Variants in PLEC observed in about 807,000 individuals in gnomAD.
The protein encoded by PLEC is hemidesmosomal protein 1.
Under a neutral mutation model 392.8 loss-of-function variants are expected in PLEC, and 216 were observed. The ratio of observed to expected loss-of-function variants is 0.55; its 90% CI spans 0.49 to 0.62. The LOEUF (loss-of-function observed/expected upper bound fraction) is 0.62, where lower values mean the gene tolerates loss of function less well. Ranked by LOEUF, PLEC falls within the 20% of genes least tolerant of loss-of-function variation. The pLI, the probability that PLEC is intolerant of heterozygous loss-of-function variation, is 0.00. For synonymous variants in PLEC, 3,621 were observed against 2,980.6 expected, an observed-to-expected ratio of 1.21 and a Z score of -7.00; for missense variants, 6,863 against 6,563.4, an observed-to-expected ratio of 1.05 and a Z score of -1.58.
Position 143,925,566 on chromosome 8 carries a change from G to A in PLEC, c.4363C>T (p.Arg1455Cys), listed in dbSNP as rs782436596. ...GCCTCCAACTGCAGGCGCACCACGCGGATCTCCTCCTCGATGCGCAGCCGG... is the reference window on the plus strand; with the variant it reads ...GCCTCCAACTGCAGGCGCACCACGCAGATCTCCTCCTCGATGCGCAGCCGG... The part of the protein sequence containing the change: ...RSRLRIEEEI[R>C]VVRLQLEATE... Residue 1455 changes from arginine to cysteine, a missense_variant, in exon 31 of 32, where the codon CGC becomes TGC. Arg to Cys is a radical substitution (Grantham distance 180). Transcript: ENST00000345136. The A allele has an allele frequency of 8.9e-5, 141 of 1,587,306 alleles. No individual in the cohort carries two copies. Among genetic ancestry groups the A allele is most frequent in the Non-Finnish European group, 1.1e-4 (126 of 1,174,434 alleles).
In PLEC at chr8:143,916,471, C is replaced by T. The variant is rs534414054; in HGVS notation, c.13350G>A (p.Leu4450=). 3.1e-4 allele frequency: 502 copies of T among 1,611,952 alleles called. 7 individuals carry two copies. The South Asian group carries it at 5.2e-3, about 17-fold the overall frequency. ...TGCCCTCCTCCACCATGCTGCGGTC[C>T]AGCGCGTCCTTATAGGAGATCTTGA... is the stretch of plus-strand genomic sequence containing the variant. ...TKLKISYKDA[L]DRSMVEEGTG... is the part of the protein sequence containing the mutation. The change falls in exon 32 of 32, where the codon CTG becomes CTA. Residue 4450 remains leucine, a synonymous_variant. Coordinates refer to ENST00000345136, the MANE Select transcript of PLEC (RefSeq NM_201384.3).
intron 18 of PLEC, 64 bp from the exon 19 acceptor site, chr8:143,931,723 C>T (rs1261567802): frequency 1.3e-6 from 2 of 1,561,774 alleles, no homozygotes; most frequent in South Asian, 1.2e-5. Context: ...CACAGTTGTC[C>T]CAGGGCAGGC....
chr8:143,921,265 G>T lies in PLEC; in HGVS notation c.8556C>A (p.Gly2852=). Residue 2852 remains glycine (G), a synonymous_variant, in exon 32 of 32, where the codon GGC becomes GGA. Coordinates refer to ENST00000345136, the MANE Select transcript of PLEC (RefSeq NM_201384.3). ...TCTCGTGCGTGTTGGGGTCAAAGAAGCCCTTGGTGTCGTCGCTGGGGTCCG... is the reference window on the plus strand; with the variant it reads ...TCTCGTGCGTGTTGGGGTCAAAGAATCCCTTGGTGTCGTCGCTGGGGTCCG... ...VLADPSDDTK[G]FFDPNTHENL... 6.2e-7 allele frequency: 1 copy of T among 1,614,160 alleles called. No individual in the cohort carries two copies. Among genetic ancestry groups the T allele is most frequent in the South Asian group, 1.1e-5 (1 of 91,092 alleles).
At chr8:143,952,827 G>A (rs1273469105), upstream of PLEC, among the ~76,000 whole-genome samples, 3 of 152,092 alleles carry the variant, frequency 2.0e-5, no homozygotes, top group African/African-American at 7.2e-5. Context: ...AGGAAAGGGC[G>A]GTAGCTTCCT....
At chr8:143,950,301 C>T (rs782077680) in exon 1 of PLEC, 3 of 1,571,174 alleles carry the variant, frequency 1.9e-6, no homozygotes, top group South Asian at 1.2e-5. Flanking sequence ...ACCCGCTGCT[C>T]CTCCGTCGGC....
In PLEC at chr8:143,933,123, G is replaced by A. The variant is rs782398265; in HGVS notation, c.1419-12C>T. ...GCAGACGGTACACCCTGGGGCAGCA[G>A]AGGACTCAGGTAGGTGTTGGCGGGC... On this transcript the variant is annotated splice_polypyrimidine_tract_variant and intron_variant, in intron 13 of 31. Coordinates refer to ENST00000345136, the MANE Select transcript of PLEC (RefSeq NM_201384.3). The A allele has an allele frequency of 1.9e-6, 3 of 1,600,838 alleles. No individual in the cohort carries two copies. The highest frequency in any genetic ancestry group is 4.5e-5 in the East Asian group (2 of 44,554).
In PLEC at chr8:143,923,138, C is replaced by G; in HGVS notation, c.6791G>C (p.Arg2264Pro). 1 of 1,603,466 alleles carries G rather than the reference C, an allele frequency of 6.2e-7. No individual in the cohort carries two copies. The highest frequency in any genetic ancestry group is 8.5e-7 in the Non-Finnish European group (1 of 1,179,886). Residue 2264 changes from arginine (R) to proline (P), a missense_variant, in exon 31 of 32, where the codon CGC (arginine) becomes CCC (proline). By Grantham distance (103) the Arg-to-Pro change is moderately radical. Coordinates refer to ENST00000345136, the MANE Select transcript of PLEC (RefSeq NM_201384.3). ...CTTCTCAGCCTCCTCCTGCAGGAAG[C>G]GCTGCGTATTGTCCTTGTCACGCAA... is the stretch of plus-strand genomic sequence containing the variant. ...LILRDKDNTQ[R>P]FLQEEAEKMK... is the part of the protein sequence containing the mutation.
In PLEC at chr8:143,923,461, G is replaced by A. The variant is rs782284647; in HGVS notation, c.6468C>T (p.Ala2156=). 6.2e-7 allele frequency: 1 copy of A among 1,607,372 alleles called. No homozygotes were observed. The highest frequency in any genetic ancestry group is 1.3e-5 in the African/African-American group (1 of 74,892). Residue 2156 remains alanine (A), a synonymous_variant, in exon 31 of 32, where the codon GCC becomes GCT. Coordinates refer to ENST00000345136, the MANE Select transcript of PLEC (RefSeq NM_201384.3). ...AARRAQAEQA[A]LRQKQAADAE... Reference sequence around the variant, plus strand: ...CGTCAGCTGCCTGCTTCTGCCGCAGGGCCGCCTGCTCCGCCTGTGCCCGCC... The same window carrying A: ...CGTCAGCTGCCTGCTTCTGCCGCAGAGCCGCCTGCTCCGCCTGTGCCCGCC...
At chr8:143,975,460 A>G, upstream of PLEC, 1 of 1,175,576 alleles carries the variant, frequency 8.5e-7, no homozygotes, top group South Asian at 1.3e-5. The surrounding 1 kb of genome is among the most constrained non-coding windows in gnomAD (Gnocchi z 9.9). Context: ...TTCTTAACCT[A>G]GACACTGAAC....
intron 1 of PLEC, among the ~76,000 whole-genome samples, chr8:143,959,637 C>A (rs1832773745): frequency 6.6e-6 from 1 of 152,258 alleles, no homozygotes; most frequent in African/African-American, 2.4e-5. Flanking sequence ...AGGAGTCGGC[C>A]CACTTGGGCA....
Position 143,929,270 on chromosome 8 carries a change from T to C in PLEC, c.3093A>G (p.Ala1031=), listed in dbSNP as rs1826317050. ...CCCCCTTGCCCAGCCCCTCCACCTC[T>C]GCCTGTGCCTTCTGCAAAGACAGGG... is the stretch of plus-strand genomic sequence containing the variant. ...QRIAEQQKAQ[A]EVEGLGKGVA... Residue 1031 remains alanine, a synonymous_variant, in exon 25 of 32, where the codon GCA becomes GCG. Transcript: ENST00000345136. 3.7e-6 allele frequency: 6 copies of C among 1,600,526 alleles called. No individual in the cohort carries two copies. The highest frequency in any genetic ancestry group is 5.1e-6 in the Non-Finnish European group (6 of 1,179,518).
chr8:143,970,604 A>G (rs1833375432), intron 1 of PLEC, among the ~76,000 whole-genome samples: 1 of 152,230 alleles, frequency 6.6e-6, no homozygotes, highest in Non-Finnish European at 1.5e-5. Flanking sequence ...CAGTGGTTTC[A>G]GTAGATTCGG....
chr8:143,922,912 C>A lies in PLEC; in HGVS notation c.7017G>T (p.Ala2339=), dbSNP rs574508108. 3.1e-6 allele frequency: 5 copies of A among 1,596,722 alleles called. No individual in the cohort carries two copies. In the Admixed American group the frequency reaches 5.2e-5, roughly 17 times the overall value. The change falls in exon 31 of 32, where the codon GCG becomes GCT. Residue 2339 remains alanine (A), a synonymous_variant. Transcript: ENST00000345136. ...CCTGCAGCCGCCGCGCCTGCTCCTG[C>A]GCAAGCTCCTTCTGCTGCTGCAGCA... is the stretch of plus-strand genomic sequence containing the variant. ...AELLQQQKEL[A]QEQARRLQED...
intron 19 of PLEC, 95 bp from the exon 20 acceptor site, chr8:143,930,631 T>TC: frequency 7.6e-7 from 1 of 1,310,650 alleles, no homozygotes; most frequent in Non-Finnish European, 1.1e-6. Context: ...TGTGGGGCCC[T>TC]CCTGATGCTC....
upstream of PLEC, chr8:143,942,275 G>A (rs913502542): frequency 9.8e-6 from 12 of 1,221,448 alleles, no homozygotes; most frequent in East Asian, 2.7e-5. Context: ...AGGCTGCACC[G>A]GGCCAAGGCG....
Position 143,924,623 on chromosome 8 carries a change from G to A in PLEC, c.5306C>T (p.Ala1769Val), listed in dbSNP as rs782682154. ...KVRAEMEVLLASKARAEEESR... is the reference protein window; with the variant it reads ...KVRAEMEVLLVSKARAEEESR... Reference sequence around the variant, plus strand: ...CTCCTCCTCAGCCCTCGCCTTGCTGGCCAGCAGCACCTCCATCTCGGCCCG... The same window carrying A: ...CTCCTCCTCAGCCCTCGCCTTGCTGACCAGCAGCACCTCCATCTCGGCCCG... Residue 1769 changes from alanine to valine, a missense_variant, in exon 31 of 32, where the codon GCC becomes GTC. Coordinates refer to ENST00000345136, the MANE Select transcript of PLEC (RefSeq NM_201384.3). 3 of 1,540,094 alleles carry A rather than the reference G, an allele frequency of 1.9e-6. No individual in the cohort carries two copies. The highest frequency in any genetic ancestry group is 2.6e-6 in the Non-Finnish European group (3 of 1,149,256).
At chr8:143,944,723 C>T in intron 1 of PLEC, 2 of 1,277,326 alleles carry the variant, frequency 1.6e-6, no homozygotes, top group South Asian at 3.4e-5. Flanking sequence ...TGGGAGGTCA[C>T]AGGCCCCTCG....
chr8:143,931,237 G>A (rs893090289), intron 19 of PLEC, among the ~76,000 whole-genome samples: 61 of 152,110 alleles, frequency 4.0e-4, no homozygotes, highest in African/African-American at 1.3e-3. Context: ...GCCCGGCTTG[G>A]ACCGGCTGCC....
At chr8:143,928,988 G>T in intron 25 of PLEC, 115 bp downstream of exon 25, 1 of 970,306 alleles carries the variant, frequency 1.0e-6, no homozygotes, top group Non-Finnish European at 1.6e-6. Context: ...CTCCTGGCCA[G>T]ATCTCTGAAC....
Sources: allele counts gnomAD v4.1 joint callset (sites outside exome capture counted in the v4.1 genomes callset), GRCh38; gene constraint gnomAD v4.1.1; non-coding constraint Gnocchi (gnomAD v3.1); transcripts MANE v1.5; gene names NCBI Gene and HGNC (gene_info 2026-07-23, HGNC 2026-07-21).